The following RFWD3 variants were observed in gnomAD, a reference collection of about 807,000 sequenced individuals.
RFWD3 encodes E3 ubiquitin-protein ligase RFWD3.
A neutral mutation model predicts 87.7 loss-of-function variants in RFWD3; 65 were observed. The observed-to-expected ratio is 0.74, with a 90% CI of 0.61 to 0.91. The LOEUF (loss-of-function observed/expected upper bound fraction) is 0.91. Ranked by LOEUF, RFWD3 falls within the 40% of genes least tolerant of loss-of-function variation. The probability of loss-of-function intolerance (pLI) is 0.00; values close to 1 mark genes in which losing one functional copy is unlikely to be tolerated. For synonymous variants in RFWD3, 433 were observed against 352.8 expected (o/e 1.23, Z -2.55); for missense variants, 1,078 against 938.5 (o/e 1.15, Z -1.94).
At chr16:74,664,868 T>G (rs1400966156) in intron 1 of RFWD3, 1 of 152,160 alleles carries the variant, frequency 6.6e-6, no homozygotes, top group African/African-American at 2.4e-5. Flanking sequence ...ACAGAACACT[T>G]TTCTCGTCGC....
At chr16:74,636,239 G>T (rs1190464140) in intron 8 of RFWD3, 107 bp downstream of exon 8, 7 of 971,354 alleles carry the variant, frequency 7.2e-6, no homozygotes, top group Non-Finnish European at 1.1e-5. Context: ...GAACTAATAG[G>T]GAAAGGTGAT....
At chr16:74,652,145 G>C in intron 2 of RFWD3, 23 bp from the exon 3 acceptor site, 2 of 1,597,850 alleles carry the variant, frequency 1.3e-6, no homozygotes, top group Non-Finnish European at 1.7e-6. Context: ...AAAGACAACG[G>C]AATTATAGTA....
chr16:74,661,691 G>T (rs532922136), intron 1 of RFWD3, among the ~76,000 whole-genome samples: 4 of 152,116 alleles, frequency 2.6e-5, no homozygotes, highest in Admixed American at 6.5e-5. Flanking sequence ...GAAGTCCTGT[G>T]ATCATAGTAG....
chr16:74,653,388 G>A (rs561368160), intron 2 of RFWD3, among the ~76,000 whole-genome samples: 2 of 151,972 alleles, frequency 1.3e-5, no homozygotes, highest in Non-Finnish European at 2.9e-5. Flanking sequence ...GGCTGAGGCA[G>A]GAGGATCACT....
At chr16:74,632,400 A>T in intron 9 of RFWD3, 123 bp downstream of exon 9, 1 of 1,208,500 alleles carries the variant, frequency 8.3e-7, no homozygotes, top group Non-Finnish European at 1.2e-6. Flanking sequence ...TCAAAAAAAC[A>T]AAACAAAACA....
Position 74,623,841 on chromosome 16 carries a change from CA to C in RFWD3, c.*86del. 7.0e-7 allele frequency: 1 copy of C among 1,421,258 alleles called. No individual in the cohort carries two copies. The allele number at this position is 1,421,258 out of a possible 1,614,324, so 88.0% of individuals were successfully genotyped here. ...GATTCCCAATGTTCTAGACTGCAGA[CA>C]ATAAACAGGGATCTTGCTTGGGGCT... On this transcript the variant is annotated 3_prime_UTR_variant, in exon 13 of 13. Transcript: ENST00000361070.
At position 74,636,484 on chromosome 16, in the gene RFWD3, C is replaced by T. The variant is rs777224972; in HGVS notation, c.1288G>A (p.Gly430Ser). ...AAGTGGTACTTGTGCTTGTGCTGGC[C>T]CTGGCTGGAGGGTGAGCAGCTCAGG... ...WVLSCSPSSQGQHKHKYHFQK... is the reference protein window; with the variant it reads ...WVLSCSPSSQSQHKHKYHFQK... Residue 430 changes from glycine (G) to serine (S), a missense_variant, in exon 8 of 13, where the codon GGC (glycine) becomes AGC (serine). Gly to Ser is a moderately conservative substitution (Grantham distance 56, BLOSUM62 0). Coordinates refer to ENST00000361070, the MANE Select transcript of RFWD3 (RefSeq NM_018124.4). The T allele has an allele frequency of 4.3e-6, 7 of 1,613,858 alleles. No homozygotes were observed. In the East Asian group the frequency reaches 1.6e-4, roughly 36 times the overall value.
intron 7 of RFWD3, among the ~76,000 whole-genome samples, chr16:74,636,921 C>T (rs901173398): frequency 7.9e-5 from 12 of 151,734 alleles, no homozygotes; most frequent in African/African-American, 2.7e-4. Flanking sequence ...CCACGTTGGC[C>T]GGGCTGGTCT....
At position 74,660,648 on chromosome 16, in the gene RFWD3, T is replaced by C. The variant is rs1368624097; in HGVS notation, c.518+284A>G. On this transcript the variant is annotated intron_variant, in intron 2 of 12. Transcript: ENST00000361070. ...ATTTGGGTGAGTAGAGACTTGCAAG[T>C]GAAGAAAGAATTTTTGGTGTACAAG... 4 of 298,634 alleles carry C rather than the reference T, an allele frequency of 1.3e-5. No homozygotes were observed. The East Asian group carries it at 2.0e-4, about 15-fold the overall frequency. The allele number at this position is 298,634 out of a possible 1,614,324, so 18.5% of individuals were successfully genotyped here.
intron 1 of RFWD3, among the ~76,000 whole-genome samples, chr16:74,662,495 T>G (rs1961529306): frequency 6.6e-6 from 1 of 152,164 alleles, no homozygotes; most frequent in African/African-American, 2.4e-5. Flanking sequence ...TGAAAAAAAT[T>G]ATAGATTATG....
rs1364248128 is a variant in RFWD3 at position 74,637,939 on chromosome 16, G to C, written c.1111C>G (p.Gln371Glu). The C allele has an allele frequency of 5.6e-6, 9 of 1,612,012 alleles. No individual in the cohort carries two copies. The highest frequency in any genetic ancestry group is 7.6e-6 in the Non-Finnish European group (9 of 1,179,602). The stretch of plus-strand genomic sequence containing the variant: ...CACTGTGCTGATTCTAACTCGGCCT[G>C]TTTCCTTAGCATCTGTTCCTTCAGT... The part of the protein sequence containing the change: ...SLLKEQMLRK[Q>E]AELESAQCRL... The change falls in exon 7 of 13, where the codon CAG becomes GAG. Residue 371 changes from glutamine (Q) to glutamate (E), a missense_variant. Physicochemically the swap from Gln to Glu is conservative, Grantham distance 29 (BLOSUM62 2). Coordinates refer to ENST00000361070, the MANE Select transcript of RFWD3 (RefSeq NM_018124.4).
In RFWD3 at chr16:74,657,894, T is replaced by G. The variant is rs76140562; in HGVS notation, c.518+3038A>C. Among the ~76,000 whole-genome samples, 1,269 of 152,262 alleles carry G rather than the reference T, an allele frequency of 8.3e-3. 7 individuals carry two copies. The highest frequency in any genetic ancestry group is 0.013 in the Non-Finnish European group (870 of 68,012). On this transcript the variant is annotated intron_variant, in intron 2 of 12. Coordinates refer to ENST00000361070, the MANE Select transcript of RFWD3 (RefSeq NM_018124.4). The stretch of plus-strand genomic sequence containing the variant: ...ATAAGAAAAGCATTTCATAAGAAGA[T>G]TTAATCAAATACATACTAGAGTTAG...
At position 74,630,810 on chromosome 16, in the gene RFWD3, A is replaced by G. The variant is rs769140398; in HGVS notation, c.1725T>C (p.His575=). Reference sequence around the variant, plus strand: ...CTTTCTGAGCTACTAACTCCTGCACATGACTGCTCGTGTTTCGCACGTCAT... The same window carrying G: ...CTTTCTGAGCTACTAACTCCTGCACGTGACTGCTCGTGTTTCGCACGTCAT... The part of the protein sequence containing the change: ...LVYDVRNTSS[H]VQELVAQKAR... Residue 575 remains histidine (H), a synonymous_variant, in exon 10 of 13, where the codon CAT becomes CAC. Coordinates refer to ENST00000361070, the MANE Select transcript of RFWD3 (RefSeq NM_018124.4). 5 of 1,612,060 alleles carry G rather than the reference A, an allele frequency of 3.1e-6. No individual in the cohort carries two copies. Among genetic ancestry groups the G allele is most frequent in the Non-Finnish European group, 4.2e-6 (5 of 1,179,244 alleles).
chr16:74,649,829 CTGTT>C (rs1960435310), intron 3 of RFWD3, among the ~76,000 whole-genome samples: 2 of 152,206 alleles, frequency 1.3e-5, no homozygotes, highest in African/African-American at 4.8e-5. Flanking sequence ...TTTTTCCCCT[CTGTT>C]TGTCATTGAT....
intron 10 of RFWD3, among the ~76,000 whole-genome samples, chr16:74,630,147 G>A (rs368128720): frequency 6.6e-6 from 1 of 152,084 alleles, no homozygotes; most frequent in Non-Finnish European, 1.5e-5. Flanking sequence ...CCAGACTGGA[G>A]TGCAACGGCG....
rs574187323 is a variant in RFWD3, at chr16:74,654,028, G to T, written c.519-1906C>A. Among the ~76,000 whole-genome samples, 9 of 150,974 alleles carry T rather than the reference G, an allele frequency of 6.0e-5. No homozygotes were observed. In the South Asian group the frequency reaches 1.9e-3, roughly 32 times the overall value. On this transcript the variant is annotated intron_variant, in intron 2 of 12. Coordinates refer to ENST00000361070, the MANE Select transcript of RFWD3 (RefSeq NM_018124.4). ...ATTTAAAAGTGTTCAATTCAGTGTT[G>T]TTTTTTTTTAGCATAACCACAAGGT...
chr16:74,629,880 C>G (rs1216027883), intron 10 of RFWD3, among the ~76,000 whole-genome samples: 1 of 152,288 alleles, frequency 6.6e-6, no homozygotes, highest in East Asian at 1.9e-4. Context: ...TACAGGGCAG[C>G]TCAACACATT....
At chr16:74,639,955 T>C (rs1336918664) in intron 6 of RFWD3, among the ~76,000 whole-genome samples, 1 of 152,158 alleles carries the variant, frequency 6.6e-6, no homozygotes, top group Non-Finnish European at 1.5e-5. Context: ...TATAGTATAC[T>C]GGTATAATTG....
Position 74,652,197 on chromosome 16 carries a change from G to C in RFWD3, c.519-75C>G. Reference sequence around the variant, plus strand: ...CAAAAACAATCTATAGTGATTTGAAGTAAATCCTATCACTTCAACCCATCT... The same window carrying C: ...CAAAAACAATCTATAGTGATTTGAACTAAATCCTATCACTTCAACCCATCT... On this transcript the variant is annotated intron_variant, in intron 2 of 12. Coordinates refer to ENST00000361070, the MANE Select transcript of RFWD3 (RefSeq NM_018124.4). 7 of 1,357,704 alleles carry C rather than the reference G, an allele frequency of 5.2e-6. 1 individual carries two copies. In the South Asian group the frequency reaches 9.1e-5, roughly 18 times the overall value. 84.1% of individuals were successfully genotyped at this position (1,357,704 alleles called of 1,614,324 possible).
Sources: allele counts gnomAD v4.1 joint callset (sites outside exome capture counted in the v4.1 genomes callset), GRCh38; gene constraint gnomAD v4.1.1; transcripts MANE v1.5; gene names NCBI Gene and HGNC (gene_info 2026-07-23, HGNC 2026-07-21).